Variants in GRID2 observed in about 807,000 individuals in gnomAD.
GRID2 encodes the protein glutamate ionotropic receptor delta type subunit 2.
GRID2 carries 33 observed loss-of-function variants against 114.8 expected under a neutral mutation model. The ratio of observed to expected loss-of-function variants is 0.29; its 90% CI spans 0.22 to 0.38. The LOEUF is 0.38. Ranked by LOEUF, GRID2 falls within the 10% of genes least tolerant of loss-of-function variation. The pLI is 1.00. For missense variants in GRID2, 1,184 were observed against 1,257.7 expected (o/e 0.94, Z 0.89); for synonymous variants, 505 against 449.9 (o/e 1.12, Z -1.55).
intron 13 of GRID2, among the ~76,000 whole-genome samples, chr4:93,589,502 G>T (rs1472277782): frequency 6.6e-6 from 1 of 151,944 alleles, no homozygotes; most frequent in Admixed American, 6.6e-5. Context: ...GAATAATGCC[G>T]CAATAAACAT....
chr4:93,373,047 G>T (rs537772979), intron 8 of GRID2, among the ~76,000 whole-genome samples: 8 of 152,172 alleles, frequency 5.3e-5, no homozygotes, highest in African/African-American at 1.7e-4. Flanking sequence ...CTCAGTCTCA[G>T]ATTTCAAGTC....
chr4:93,751,532 C>T (rs1290966075), intron 14 of GRID2, among the ~76,000 whole-genome samples: 2 of 152,164 alleles, frequency 1.3e-5, no homozygotes, highest in Non-Finnish European at 2.9e-5. Flanking sequence ...TTATTGATTG[C>T]AGCCTTCATG....
Position 93,110,639 on chromosome 4 carries a change from A to G in GRID2, c.530-109A>G, listed in dbSNP as rs1732675524. ...TCAGCTACTCAGTTGGTAATTTTAG[A>G]CAGCCTACAGTGTGGAACAATAATC... On this transcript the variant is annotated intron_variant, in intron 3 of 15. Coordinates refer to ENST00000282020, the MANE Select transcript of GRID2 (RefSeq NM_001510.4). The G allele has an allele frequency of 4.1e-6, 3 of 737,518 alleles. No individual in the cohort carries two copies. In the South Asian group the frequency reaches 5.0e-5, roughly 12 times the overall value. 45.7% of individuals were successfully genotyped at this position (737,518 alleles called of 1,614,324 possible).
intron 4 of GRID2, among the ~76,000 whole-genome samples, chr4:93,121,037 T>C (rs1216167176): frequency 2.6e-5 from 4 of 152,106 alleles, no homozygotes; most frequent in African/African-American, 9.7e-5. Context: ...ATGGCACATA[T>C]ATACCTCTGT....
chr4:92,450,528 C>T (rs565101834), intron 1 of GRID2, among the ~76,000 whole-genome samples: 43 of 152,058 alleles, frequency 2.8e-4, no homozygotes, highest in Non-Finnish European at 5.4e-4. Context: ...TTGTATTCTC[C>T]TGTTCTTTGT....
chr4:92,724,447 A>T (rs1735964768), intron 2 of GRID2, among the ~76,000 whole-genome samples: 1 of 152,110 alleles, frequency 6.6e-6, no homozygotes, highest in Non-Finnish European at 1.5e-5. Context: ...ACATTTTAAA[A>T]CTATTTTTAA....
chr4:93,727,196 G>A (rs570929056), intron 14 of GRID2, among the ~76,000 whole-genome samples: 150 of 152,238 alleles, frequency 9.9e-4, no homozygotes, highest in African/African-American at 3.3e-3. Context: ...TTAGCATGAA[G>A]GGTTGTTGAA....
intron 10 of GRID2, among the ~76,000 whole-genome samples, chr4:93,426,966 G>A (rs903478677): frequency 1.3e-5 from 2 of 151,974 alleles, no homozygotes; most frequent in Non-Finnish European, 2.9e-5. Flanking sequence ...AAAAGACTTA[G>A]TTGGAGTAGA....
intron 8 of GRID2, among the ~76,000 whole-genome samples, chr4:93,363,196 G>A (rs748184482): frequency 2.6e-5 from 4 of 152,122 alleles, no homozygotes; most frequent in African/African-American, 4.8e-5. Context: ...CAGCCTGGAC[G>A]ACAGAGTGAG....
chr4:93,734,175 T>C (rs1730728693), intron 14 of GRID2, among the ~76,000 whole-genome samples: 1 of 152,054 alleles, frequency 6.6e-6, no homozygotes, highest in Non-Finnish European at 1.5e-5. Flanking sequence ...AGAACAATAG[T>C]TGGCTTAATA....
At chr4:92,547,404 T>C (rs1726319746) in intron 1 of GRID2, among the ~76,000 whole-genome samples, 1 of 152,146 alleles carries the variant, frequency 6.6e-6, no homozygotes, top group African/African-American at 2.4e-5. Flanking sequence ...ATTTATTTTG[T>C]TTTTATGTAT....
At chr4:93,610,960 G>A (rs1473084964) in intron 13 of GRID2, among the ~76,000 whole-genome samples, 2 of 134,726 alleles carry the variant, frequency 1.5e-5, no homozygotes, top group African/African-American at 6.1e-5. Flanking sequence ...CTTTTAGGTT[G>A]GTAAACTATT....
chr4:93,184,770 T>C (rs1560962091), intron 4 of GRID2, among the ~76,000 whole-genome samples: 1 of 152,056 alleles, frequency 6.6e-6, no homozygotes, highest in Non-Finnish European at 1.5e-5. Context: ...TAATCGCAGA[T>C]ACTCAGGAGG....
chr4:92,587,626 C>T (rs1478995304), intron 1 of GRID2, among the ~76,000 whole-genome samples: 2 of 152,130 alleles, frequency 1.3e-5, no homozygotes, highest in Non-Finnish European at 2.9e-5. Flanking sequence ...TCTTTGATTA[C>T]ACTGTTTGCA....
intron 8 of GRID2, among the ~76,000 whole-genome samples, chr4:93,344,524 A>C (rs866287056): frequency 1.2e-4 from 18 of 151,554 alleles, no homozygotes; most frequent in Middle Eastern, 3.5e-3. Context: ...GAAATGATTA[A>C]ATCAAGCTAA....
chr4:92,931,361 A>AG (rs1750221951), intron 2 of GRID2, among the ~76,000 whole-genome samples: 1 of 151,066 alleles, frequency 6.6e-6, no homozygotes, highest in South Asian at 2.1e-4. Flanking sequence ...AAAACCTTAC[A>AG]GCTAGCTAAT....
chr4:93,067,727 T>C (rs1296731338), intron 2 of GRID2, among the ~76,000 whole-genome samples: 1 of 152,016 alleles, frequency 6.6e-6, no homozygotes, highest in Non-Finnish European at 1.5e-5. Flanking sequence ...TATTATTTGT[T>C]TAACAAATAT....
intron 8 of GRID2, among the ~76,000 whole-genome samples, chr4:93,374,217 C>T (rs1388948524): frequency 6.6e-6 from 1 of 152,082 alleles, no homozygotes; most frequent in Non-Finnish European, 1.5e-5. Flanking sequence ...AATAATATGT[C>T]ATATTAGCTC....
At chr4:92,937,549 T>C (rs1301640640) in intron 2 of GRID2, among the ~76,000 whole-genome samples, 1 of 146,486 alleles carries the variant, frequency 6.8e-6, no homozygotes, top group Non-Finnish European at 1.5e-5. Flanking sequence ...TGTTTATCCT[T>C]ATGCCAATGA....
Sources: allele counts gnomAD v4.1 joint callset (sites outside exome capture counted in the v4.1 genomes callset), GRCh38; gene constraint gnomAD v4.1.1; transcripts MANE v1.5; gene names NCBI Gene and HGNC (gene_info 2026-07-23, HGNC 2026-07-21).